Variants in STIM2 observed in about 807,000 individuals in gnomAD.
The protein encoded by STIM2 is stromal interaction molecule 2.
STIM2 carries 31 observed loss-of-function variants against 85.8 expected under a neutral mutation model. That is an observed-to-expected ratio of 0.36 (90% CI 0.27 to 0.49). STIM2 has a LOEUF of 0.49. Ranked by LOEUF, STIM2 falls within the 20% of genes least tolerant of loss-of-function variation. The pLI is 0.98. For missense variants in STIM2, 841 were observed against 927.6 expected (o/e 0.91, Z 1.21); for synonymous variants, 356 against 331.1 (o/e 1.08, Z -0.82).
Position 26,919,634 on chromosome 4 carries a change from A to G in STIM2, c.282A>G (p.Glu94=), listed in dbSNP as rs1465047025. 6.2e-7 allele frequency: 1 copy of G among 1,613,442 alleles called. No individual in the cohort carries two copies. Among genetic ancestry groups the G allele is most frequent in the African/African-American group, 1.3e-5 (1 of 75,032 alleles). The change falls in exon 2 of 12, where the codon GAA becomes GAG. Residue 94 remains glutamate, a splice_region_variant and synonymous_variant. Coordinates refer to ENST00000467087, the MANE Select transcript of STIM2 (RefSeq NM_020860.4). ...GAATTGAAGTAGAGGAAAGTGATGA[A>G]GTAGGTGGAAAAATGTTTTCCTTGC... is the stretch of plus-strand genomic sequence containing the variant.
intron 2 of STIM2, among the ~76,000 whole-genome samples, chr4:26,931,510 A>G (rs1045918331): frequency 3.3e-5 from 5 of 152,352 alleles, no homozygotes; most frequent in African/African-American, 9.6e-5. Context: ...GTCCCACAAT[A>G]AAACCCATTG....
chr4:26,908,523 G>A (rs1428558180), intron 1 of STIM2, among the ~76,000 whole-genome samples: 38 of 152,106 alleles, frequency 2.5e-4, no homozygotes, highest in Non-Finnish European at 1.5e-5. Flanking sequence ...TCTTGCTGTC[G>A]CCCAGCCTGG....
intron 1 of STIM2, among the ~76,000 whole-genome samples, chr4:26,888,466 CAA>C (rs1372702651): frequency 6.6e-6 from 1 of 152,202 alleles, no homozygotes; most frequent in East Asian, 1.9e-4. Flanking sequence ...AGCAAGAAAA[CAA>C]AGATATTTGC....
chr4:27,000,052 GT>G (rs33929014), intron 5 of STIM2, among the ~76,000 whole-genome samples: 41,426 of 145,790 alleles, frequency 0.28, 6,033 homozygotes, highest in East Asian at 0.62. Context: ...AAGGAATTAT[GT>G]TTTTTTTTTT....
Position 26,947,862 on chromosome 4 carries a change from G to A in STIM2, c.283-9750G>A, listed in dbSNP as rs554056361. Among the ~76,000 whole-genome samples the A allele has an allele frequency of 5.3e-5, 8 of 152,228 alleles. No individual in the cohort carries two copies. In the South Asian group the frequency reaches 1.2e-3, roughly 24 times the overall value. On this transcript the variant is annotated intron_variant, in intron 2 of 11. Coordinates refer to ENST00000467087, the MANE Select transcript of STIM2 (RefSeq NM_020860.4). ...GGCAACTTGACTCTGTGTATCAAAAGCCTTATAATCGTATGTCTATCTTTT... is the reference window on the plus strand; with the variant it reads ...GGCAACTTGACTCTGTGTATCAAAAACCTTATAATCGTATGTCTATCTTTT...
intron 2 of STIM2, among the ~76,000 whole-genome samples, chr4:26,948,249 G>A (rs1448764338): frequency 6.6e-6 from 1 of 152,200 alleles, no homozygotes; most frequent in Non-Finnish European, 1.5e-5. Context: ...CCACAGCAGA[G>A]AGAGCTTATT....
chr4:26,963,986 G>A (rs1030997523), intron 3 of STIM2, among the ~76,000 whole-genome samples: 4 of 152,182 alleles, frequency 2.6e-5, no homozygotes, highest in Admixed American at 2.6e-4. Context: ...GGGAGTAAAA[G>A]TTGTCTACCA....
At chr4:26,970,321 G>T (rs1040184711) in intron 3 of STIM2, among the ~76,000 whole-genome samples, 3 of 151,052 alleles carry the variant, frequency 2.0e-5, no homozygotes, top group Non-Finnish European at 3.0e-5. Context: ...CTAGGTATAC[G>T]TGTGCCATGT....
intron 7 of STIM2, 23 bp from the exon 8 acceptor site, chr4:27,007,510 C>T: frequency 2.0e-6 from 3 of 1,471,552 alleles, no homozygotes; most frequent in South Asian, 1.5e-5. Context: ...TCCTTTCTTG[C>T]CTCCTTCCTT....
At chr4:26,976,382 CTT>C (rs35434321) in intron 3 of STIM2, among the ~76,000 whole-genome samples, 66 of 116,898 alleles carry the variant, frequency 5.6e-4, no homozygotes, top group Middle Eastern at 4.7e-3. Flanking sequence ...TCTTGGGAGT[CTT>C]TTTTTTTTTT....
intron 3 of STIM2, among the ~76,000 whole-genome samples, chr4:26,982,035 A>T (rs909551716): frequency 2.0e-5 from 3 of 150,710 alleles, no homozygotes; most frequent in South Asian, 2.1e-4. Flanking sequence ...TTCACTTTTT[A>T]GTTCTAGCAT....
chr4:26,944,645 GTTTA>G (rs976836626), intron 2 of STIM2, among the ~76,000 whole-genome samples: 5 of 152,128 alleles, frequency 3.3e-5, no homozygotes, highest in African/African-American at 1.2e-4. Flanking sequence ...TATTGTAAAA[GTTTA>G]TTTTTTTCTA....
chr4:26,930,050 G>A (rs1725147450), intron 2 of STIM2, among the ~76,000 whole-genome samples: 1 of 152,114 alleles, frequency 6.6e-6, no homozygotes. Context: ...ATCAGGAATA[G>A]GATATAAAGC....
intron 1 of STIM2, among the ~76,000 whole-genome samples, chr4:26,874,671 CAG>C: frequency 6.6e-6 from 1 of 152,224 alleles, no homozygotes; most frequent in Non-Finnish European, 1.5e-5. Context: ...TATAGTCTCA[CAG>C]ATTTTAAGAA....
At chr4:26,947,596 A>C (rs927693441) in intron 2 of STIM2, among the ~76,000 whole-genome samples, 1 of 152,108 alleles carries the variant, frequency 6.6e-6, no homozygotes, top group Non-Finnish European at 1.5e-5. Flanking sequence ...CCAGCCCTCC[A>C]TCAGCCTCAC....
intron 1 of STIM2, among the ~76,000 whole-genome samples, chr4:26,879,263 A>C (rs959449570): frequency 1.3e-5 from 2 of 152,182 alleles, no homozygotes; most frequent in African/African-American, 4.8e-5. Context: ...TTGTACCAAA[A>C]ATCTCTAACG....
chr4:26,917,405 G>A (rs1724623715), intron 1 of STIM2, among the ~76,000 whole-genome samples: 1 of 152,124 alleles, frequency 6.6e-6, no homozygotes, highest in South Asian at 2.1e-4. Flanking sequence ...CATTTGGTAG[G>A]TGCTCATTAG....
intron 1 of STIM2, among the ~76,000 whole-genome samples, chr4:26,863,884 T>C (rs1722305288): frequency 6.6e-6 from 1 of 152,122 alleles, no homozygotes; most frequent in African/African-American, 2.4e-5. Context: ...TCTGTTTTCT[T>C]CTCGAGATTG....
intron 1 of STIM2, among the ~76,000 whole-genome samples, chr4:26,865,890 T>C (rs1560547992): frequency 6.6e-6 from 1 of 152,144 alleles, no homozygotes; most frequent in Non-Finnish European, 1.5e-5. Flanking sequence ...AATAGGCACA[T>C]TTATTAAACT....
Sources: gnomAD v4.1 joint callset for allele counts (sites outside exome capture counted in the v4.1 genomes callset) on GRCh38, gnomAD v4.1.1 for gene constraint, MANE v1.5 for transcripts, NCBI Gene and HGNC (gene_info 2026-07-23, HGNC 2026-07-21) for gene names.